Variants in MBOAT4 observed in about 807,000 individuals in gnomAD.
The protein encoded by MBOAT4 is membrane-bound ghrelin O-acyltransferase MBOAT4.
MBOAT4 carries 11 observed loss-of-function variants against 13.2 expected under a neutral mutation model. The ratio of observed to expected loss-of-function variants is 0.84; its 90% CI spans 0.53 to 1.38. MBOAT4 has a LOEUF of 1.38. Among genes scored for constraint, MBOAT4 ranks in the 40% most tolerant of loss-of-function variants. MBOAT4 has a pLI of 0.00. For missense variants in MBOAT4, 481 were observed against 527.2 expected, an observed-to-expected ratio of 0.91 and a Z score of 0.86; for synonymous variants, 202 against 210.3, an observed-to-expected ratio of 0.96 and a Z score of 0.34.
chr8:30,139,055 C>A (rs11778927), intron 1 of MBOAT4, among the ~76,000 whole-genome samples: 127,641 of 151,100 alleles, frequency 0.84, 54,660 homozygotes, highest in Middle Eastern at 0.94. Flanking sequence ...TCACCACAGC[C>A]CTGACCTCCT....
chr8:30,132,396 G>T lies in MBOAT4; in HGVS notation c.855C>A (p.Val285=). Residue 285 remains valine (V), a synonymous_variant, in exon 3 of 3, where the codon GTC becomes GTA. Transcript: ENST00000320542. ...CCAGGGTCCAGATGTCTGCATCGGG[G>T]ACATATCCCTCCTCTCCAGGGCTCT... ...LGQSPGEEGY[V]PDADIWTLER... 1 of 1,551,736 alleles carries T rather than the reference G, an allele frequency of 6.4e-7. No individual in the cohort carries two copies. The highest frequency in any genetic ancestry group is 8.7e-7 in the Non-Finnish European group (1 of 1,147,010).
At chr8:30,136,482 CT>C (rs1803142440) in intron 2 of MBOAT4, among the ~76,000 whole-genome samples, 2 of 152,306 alleles carry the variant, frequency 1.3e-5, no homozygotes, top group African/African-American at 4.8e-5. Context: ...GTCTGTGGCA[CT>C]GTGTGATGGC....
intron 1 of MBOAT4, among the ~76,000 whole-genome samples, chr8:30,141,931 TGC>T (rs1430008886): frequency 6.6e-6 from 1 of 152,190 alleles, no homozygotes; most frequent in Non-Finnish European, 1.5e-5. Flanking sequence ...TTTGAACCTA[TGC>T]TTGGGGTGAC....
chr8:30,143,060 C>G (rs774235072), intron 1 of MBOAT4, among the ~76,000 whole-genome samples: 1 of 152,178 alleles, frequency 6.6e-6, no homozygotes, highest in Non-Finnish European at 1.5e-5. Context: ...CTCTTGGGTA[C>G]TGTGCTCACT....
Position 30,131,877 on chromosome 8 carries a change from C to G in MBOAT4, c.*66G>C, listed in dbSNP as rs1215490261. On this transcript the variant is annotated 3_prime_UTR_variant, in exon 3 of 3. Transcript: ENST00000320542. ...GGAAAAGTTCAAATGTATGCATTAT[C>G]GATGCGTCATCTGGCACTTTCTAAA... The G allele has an allele frequency of 1.4e-6, 2 of 1,469,284 alleles. No homozygotes were observed. Among genetic ancestry groups the G allele is most frequent in the South Asian group, 2.9e-5 (2 of 69,956 alleles). The allele number at this position is 1,469,284 out of a possible 1,614,324, so 91.0% of individuals were successfully genotyped here. A position where few individuals can be genotyped will look rare whatever the true frequency, so the allele number is the denominator to read the frequency against.
In MBOAT4 at chr8:30,131,973, T is replaced by C; in HGVS notation, c.1278A>G (p.Leu426=). ...FPMVYCILLL[L]LAKRKHKCN Reference sequence around the variant, plus strand: ...TACATTTGTGCTTTCTCTTCGCCAATAGCAAAAGCAGAATACAGTACACCA... The same window carrying C: ...TACATTTGTGCTTTCTCTTCGCCAACAGCAAAAGCAGAATACAGTACACCA... Residue 426 remains leucine (L), a synonymous_variant, in exon 3 of 3, where the codon CTA becomes CTG. Transcript: ENST00000320542. 6.5e-7 allele frequency: 1 copy of C among 1,549,764 alleles called. No individual in the cohort carries two copies. Among genetic ancestry groups the C allele is most frequent in the South Asian group, 1.2e-5 (1 of 83,832 alleles).
chr8:30,144,175 C>T (rs1385879863), intron 1 of MBOAT4, among the ~76,000 whole-genome samples: 1 of 149,100 alleles, frequency 6.7e-6, no homozygotes, highest in Admixed American at 6.7e-5. Flanking sequence ...TGCTCCGTTG[C>T]CCAGGCTGGA....
chr8:30,138,900 C>G (rs985897217), intron 1 of MBOAT4, 144 bp from the exon 2 acceptor site: 1 of 598,008 alleles, frequency 1.7e-6, no homozygotes, highest in Non-Finnish European at 2.9e-6. Context: ...TGGGGCCTTC[C>G]TTTTGTTCTT....
chr8:30,141,875 T>G (rs1803266137), intron 1 of MBOAT4, among the ~76,000 whole-genome samples: 1 of 152,148 alleles, frequency 6.6e-6, no homozygotes, highest in Admixed American at 6.5e-5. Context: ...TGTCTCAGTG[T>G]GAGAGCATCT....
Position 30,136,801 on chromosome 8 carries a change from T to C in MBOAT4, c.344+1731A>G, listed in dbSNP as rs528395926. ...TGGAGTGCAGTGATGCGATCTCCTG[T>C]CTCAGCCTCCCGAGTAGCTGGGATT... On this transcript the variant is annotated intron_variant, in intron 2 of 2. Coordinates refer to ENST00000320542, the MANE Select transcript of MBOAT4 (RefSeq NM_001100916.2). Among the ~76,000 whole-genome samples the C allele has an allele frequency of 3.7e-4, 56 of 151,450 alleles. 1 individual carries two copies. The highest frequency in any genetic ancestry group is 1.3e-3 in the African/African-American group (53 of 41,114).
intron 1 of MBOAT4, among the ~76,000 whole-genome samples, chr8:30,141,979 A>T (rs1803268570): frequency 6.6e-6 from 1 of 152,224 alleles, no homozygotes; most frequent in Admixed American, 6.5e-5. Context: ...ATTGTGGTCC[A>T]AGCCTTTACT....
chr8:30,138,424 A>G, intron 2 of MBOAT4, 108 bp downstream of exon 2: 2 of 788,298 alleles, frequency 2.5e-6, no homozygotes, highest in East Asian at 2.7e-5. Context: ...CACTGGTCAA[A>G]TGTGGAAAAA....
At chr8:30,142,786 A>G (rs1387199833) in intron 1 of MBOAT4, among the ~76,000 whole-genome samples, 1 of 152,108 alleles carries the variant, frequency 6.6e-6, no homozygotes, top group Non-Finnish European at 1.5e-5. Flanking sequence ...CCCAACTCCA[A>G]TCTCCATTAG....
intron 2 of MBOAT4, chr8:30,137,422 G>C (rs1262143583): frequency 6.4e-7 from 1 of 1,551,718 alleles, no homozygotes; most frequent in Non-Finnish European, 8.7e-7. Flanking sequence ...GAGGCTGGCA[G>C]ACAGTGCTGA....
rs745901685 is a variant in MBOAT4, at chr8:30,137,222, A to G, written c.344+1310T>C. On this transcript the variant is annotated intron_variant, in intron 2 of 2. Coordinates refer to ENST00000320542, the MANE Select transcript of MBOAT4 (RefSeq NM_001100916.2). The stretch of plus-strand genomic sequence containing the variant: ...CTCATCTCAGGGATCTTGCTGATTC[A>G]TGACAACACTTCTCTAGACTGTAAT... 1.1e-4 allele frequency: 148 copies of G among 1,382,712 alleles called. 1 individual carries two copies. Among genetic ancestry groups the G allele is most frequent in the Non-Finnish European group, 1.4e-4 (140 of 995,376 alleles). 85.7% of individuals were successfully genotyped at this position (1,382,712 alleles called of 1,614,324 possible). A position where few individuals can be genotyped will look rare whatever the true frequency, so the allele number is the denominator to read the frequency against.
intron 2 of MBOAT4, chr8:30,137,200 A>T: frequency 8.8e-7 from 1 of 1,135,432 alleles, no homozygotes; most frequent in Non-Finnish European, 1.3e-6. Flanking sequence ...GTTTCCTCTC[A>T]TCTCAGGGAT....
chr8:30,138,839 C>T (rs1328562754), intron 1 of MBOAT4, 83 bp from the exon 2 acceptor site: 15 of 1,090,684 alleles, frequency 1.4e-5, no homozygotes, highest in Middle Eastern at 5.8e-4. Flanking sequence ...CCAGGGAACC[C>T]GATCTGGTAG....
At chr8:30,134,744 C>T (rs1368680790) in intron 2 of MBOAT4, among the ~76,000 whole-genome samples, 4 of 152,144 alleles carry the variant, frequency 2.6e-5, no homozygotes, top group African/African-American at 4.8e-5. Flanking sequence ...GACAGGGTTT[C>T]GCCATGTCTG....
intron 1 of MBOAT4, among the ~76,000 whole-genome samples, chr8:30,143,271 C>G (rs935996821): frequency 6.6e-6 from 1 of 151,264 alleles, no homozygotes; most frequent in Non-Finnish European, 1.5e-5. Flanking sequence ...TCCCTTGAAT[C>G]CAGGAGGTGG....
Sources: gnomAD v4.1 joint callset for allele counts (sites outside exome capture counted in the v4.1 genomes callset) on GRCh38, gnomAD v4.1.1 for gene constraint, MANE v1.5 for transcripts, NCBI Gene and HGNC (gene_info 2026-07-23, HGNC 2026-07-21) for gene names.